Variants in GAN observed in about 807,000 individuals in gnomAD.
GAN encodes gigaxonin.
GAN carries 48 observed loss-of-function variants against 71.3 expected under a neutral mutation model. The ratio of observed to expected loss-of-function variants is 0.67; its 90% CI spans 0.53 to 0.86. The LOEUF (loss-of-function observed/expected upper bound fraction) is 0.86. Among genes scored for constraint, GAN ranks in the 40% least tolerant of loss-of-function variants. The probability of loss-of-function intolerance (pLI) is 0.00; values close to 1 mark genes in which losing one functional copy is unlikely to be tolerated. For missense variants in GAN, 928 were observed against 770.1 expected (o/e 1.21, Z -2.43); for synonymous variants, 386 against 276.8 (o/e 1.39, Z -3.92).
chr16:81,348,975 A>T (rs536631950), intron 1 of GAN, among the ~76,000 whole-genome samples: 48 of 152,232 alleles, frequency 3.2e-4, no homozygotes, highest in African/African-American at 1.1e-3. Flanking sequence ...GTTACAATAC[A>T]CCTACCCTCA....
At chr16:81,330,093 C>T (rs749283653) in intron 1 of GAN, among the ~76,000 whole-genome samples, 3 of 152,198 alleles carry the variant, frequency 2.0e-5, no homozygotes, top group African/African-American at 4.8e-5. Context: ...TGGAATCTGC[C>T]TTCTCTTCAC....
intron 9 of GAN, among the ~76,000 whole-genome samples, chr16:81,369,789 C>T (rs943231631): frequency 1.3e-5 from 2 of 152,154 alleles, no homozygotes; most frequent in Admixed American, 6.5e-5. Flanking sequence ...TCACCGTGGT[C>T]TCGATCTCCT....
intron 9 of GAN, among the ~76,000 whole-genome samples, chr16:81,376,436 A>G (rs1904279848): frequency 2.7e-5 from 4 of 150,796 alleles, no homozygotes; most frequent in South Asian, 2.1e-4. Context: ...CCTGGGCAAC[A>G]TGGCAATATC....
At chr16:81,371,687 C>G (rs1911041463) in intron 9 of GAN, among the ~76,000 whole-genome samples, 1 of 152,128 alleles carries the variant, frequency 6.6e-6, no homozygotes, top group African/African-American at 2.4e-5. Flanking sequence ...CTGGTTGCCC[C>G]AAGACCCCTT....
chr16:81,366,095 C>G (rs756032446), intron 9 of GAN, among the ~76,000 whole-genome samples: 23 of 152,170 alleles, frequency 1.5e-4, no homozygotes, highest in Admixed American at 4.6e-4. Context: ...TTCAAAACTG[C>G]TTAGTTATCA....
intron 3 of GAN, 28 bp downstream of exon 3, chr16:81,354,783 T>G (rs372636846): frequency 7.4e-7 from 1 of 1,353,322 alleles, no homozygotes; most frequent in African/African-American, 1.4e-5. Flanking sequence ...CATGGTCAAA[T>G]TTGCCTTTTT....
intron 1 of GAN, among the ~76,000 whole-genome samples, chr16:81,332,835 C>T (rs968031040): frequency 2.0e-5 from 3 of 152,056 alleles, no homozygotes; most frequent in Non-Finnish European, 4.4e-5. Context: ...TGGCAAGAAC[C>T]CCATGGAAGT....
chr16:81,370,184 T>G (rs1910994165), intron 9 of GAN, among the ~76,000 whole-genome samples: 1 of 152,180 alleles, frequency 6.6e-6, no homozygotes, highest in South Asian at 2.1e-4. Context: ...CCACAGAGAT[T>G]TTAATCATCA....
In GAN at chr16:81,315,120, G is replaced by C. The variant is rs1908983814; in HGVS notation, c.7G>C (p.Glu3Gln). The change falls in exon 1 of 11, where the codon GAG (glutamate) becomes CAG (glutamine). Residue 3 changes from glutamate (E) to glutamine (Q), a missense_variant. Coordinates refer to ENST00000648994, the MANE Select transcript of GAN (RefSeq NM_022041.4). ...CAGAGGAGCGGGCGCCGCGATGGCT[G>C]AGGGCAGTGCCGTGTCTGACCCTCA... Reference protein sequence around the residue: MAEGSAVSDPQHA... With the variant: MAQGSAVSDPQHA... 1 of 1,504,820 alleles carries C rather than the reference G, an allele frequency of 6.6e-7. No individual in the cohort carries two copies. 93.2% of individuals were successfully genotyped at this position (1,504,820 alleles called of 1,614,324 possible). A position where few individuals can be genotyped will look rare whatever the true frequency, so the allele number is the denominator to read the frequency against.
At chr16:81,327,360 G>A (rs1294239268) in intron 1 of GAN, among the ~76,000 whole-genome samples, 2 of 152,140 alleles carry the variant, frequency 1.3e-5, no homozygotes, top group Admixed American at 6.5e-5. Flanking sequence ...ACATGCTAAC[G>A]GGAAGTTCAT....
chr16:81,328,880 T>C (rs1384691798), intron 1 of GAN, among the ~76,000 whole-genome samples: 1 of 152,184 alleles, frequency 6.6e-6, no homozygotes, highest in African/African-American at 2.4e-5. Flanking sequence ...CTTGGTCACA[T>C]ATTCTTCTTT....
chr16:81,320,404 C>T (rs1465032526), intron 1 of GAN, among the ~76,000 whole-genome samples: 2 of 152,180 alleles, frequency 1.3e-5, no homozygotes, highest in Admixed American at 6.5e-5. Context: ...TTATTAGATT[C>T]TTTGCTTCCC....
intron 9 of GAN, 133 bp from the exon 10 acceptor site, chr16:81,377,086 G>C: frequency 1.3e-6 from 1 of 767,680 alleles, no homozygotes; most frequent in Non-Finnish European, 2.4e-6. Flanking sequence ...TTACCTGGCA[G>C]TGGAACGTGG....
intron 5 of GAN, 33 bp downstream of exon 5, chr16:81,357,964 C>A: frequency 6.3e-7 from 1 of 1,579,286 alleles, no homozygotes; most frequent in Non-Finnish European, 8.7e-7. Flanking sequence ...CCTTAAACAG[C>A]AGATCAAGTA....
intron 1 of GAN, among the ~76,000 whole-genome samples, chr16:81,349,864 C>T (rs1417051382): frequency 6.6e-6 from 1 of 152,092 alleles, no homozygotes; most frequent in East Asian, 1.9e-4. Context: ...TGTTAGGTAG[C>T]AGGTAACACA....
At chr16:81,373,338 T>C (rs1432165663) in intron 9 of GAN, among the ~76,000 whole-genome samples, 1 of 152,234 alleles carries the variant, frequency 6.6e-6, no homozygotes, top group Non-Finnish European at 1.5e-5. Context: ...GTGACCTGGC[T>C]ATGCCTGTTA....
At chr16:81,357,788 G>C in intron 4 of GAN, 22 bp from the exon 5 acceptor site, 1 of 1,607,650 alleles carries the variant, frequency 6.2e-7, no homozygotes, top group African/African-American at 1.3e-5. Flanking sequence ...ATTAACTACT[G>C]ATCACTTATT....
chr16:81,369,595 C>G (rs1289632343), intron 9 of GAN, among the ~76,000 whole-genome samples: 1 of 152,126 alleles, frequency 6.6e-6, no homozygotes, highest in Non-Finnish European at 1.5e-5. Flanking sequence ...CATGGTAGAT[C>G]TTTTGCTTTT....
intron 3 of GAN, among the ~76,000 whole-genome samples, chr16:81,355,133 A>C (rs948897963): frequency 2.0e-5 from 3 of 152,168 alleles, no homozygotes; most frequent in African/African-American, 7.2e-5. Context: ...AGGTGCCTGC[A>C]GCAGGCAGGG....
Sources: allele counts gnomAD v4.1 joint callset (sites outside exome capture counted in the v4.1 genomes callset), GRCh38; gene constraint gnomAD v4.1.1; transcripts MANE v1.5; gene names NCBI Gene and HGNC (gene_info 2026-07-23, HGNC 2026-07-21).